The following AGBL1 variants were observed in gnomAD, a reference collection of about 807,000 sequenced individuals.
AGBL1 encodes AGBL carboxypeptidase 1.
AGBL1 carries 130 observed loss-of-function variants against 118.9 expected under a neutral mutation model. That is an observed-to-expected ratio of 1.09 (90% CI 0.95 to 1.26). The LOEUF (loss-of-function observed/expected upper bound fraction) is 1.26. Among genes scored for constraint, AGBL1 ranks in the 50% most tolerant of loss-of-function variants. AGBL1 has a pLI of 0.00. For missense variants in AGBL1, 1,584 were observed against 1,298.1 expected (o/e 1.22, Z -3.38); for synonymous variants, 555 against 478.9 (o/e 1.16, Z -2.08).
At chr15:86,963,270 G>A (rs1341460378) in intron 23 of AGBL1, among the ~76,000 whole-genome samples, 1 of 152,026 alleles carries the variant, frequency 6.6e-6, no homozygotes, top group African/African-American at 2.4e-5. Flanking sequence ...ATGTGCCACG[G>A]CTACATTGAC....
At chr15:86,210,272 C>T (rs991742084) in intron 5 of AGBL1, among the ~76,000 whole-genome samples, 2 of 152,072 alleles carry the variant, frequency 1.3e-5, no homozygotes, top group South Asian at 2.1e-4. Context: ...TTAACCTTGG[C>T]GAACCTGACA....
intron 20 of AGBL1, among the ~76,000 whole-genome samples, chr15:86,547,740 A>G (rs903910888): frequency 6.6e-6 from 1 of 152,148 alleles, no homozygotes; most frequent in African/African-American, 2.4e-5. Context: ...AGGTTCTTTA[A>G]CTGTGAGTGG....
At chr15:86,633,786 A>G (rs951292856) in intron 21 of AGBL1, among the ~76,000 whole-genome samples, 4 of 102,020 alleles carry the variant, frequency 3.9e-5, no homozygotes, top group Middle Eastern at 4.3e-3. Flanking sequence ...ATGTGTGTGT[A>G]TATATATATA....
chr15:86,286,542 A>G (rs957960509), intron 16 of AGBL1, among the ~76,000 whole-genome samples: 7 of 151,562 alleles, frequency 4.6e-5, no homozygotes, highest in African/African-American at 1.7e-4. Context: ...TTTATATTTC[A>G]TGTATAAGTG....
intron 21 of AGBL1, among the ~76,000 whole-genome samples, chr15:86,567,882 C>T (rs545122768): frequency 4.6e-5 from 7 of 152,188 alleles, no homozygotes; most frequent in South Asian, 4.2e-4. Context: ...CATTCAGAGC[C>T]CAGCTGCCCA....
chr15:86,468,240 A>G (rs985228187), intron 18 of AGBL1, among the ~76,000 whole-genome samples: 1 of 152,168 alleles, frequency 6.6e-6, no homozygotes, highest in African/African-American at 2.4e-5. Context: ...AAGTCCTTAG[A>G]TACCTTTTTT....
intron 21 of AGBL1, among the ~76,000 whole-genome samples, chr15:86,645,750 G>C (rs1251511160): frequency 6.6e-6 from 1 of 152,198 alleles, no homozygotes; most frequent in Non-Finnish European, 1.5e-5. Flanking sequence ...CAAGTTCACA[G>C]AATGAGTTAG....
intron 23 of AGBL1, among the ~76,000 whole-genome samples, chr15:86,923,601 C>T (rs1034348391): frequency 2.0e-5 from 3 of 152,162 alleles, no homozygotes; most frequent in African/African-American, 7.2e-5. Flanking sequence ...GGCTATTTGG[C>T]TGTTTATCTC....
chr15:86,560,761 G>A (rs1326318781), intron 21 of AGBL1, among the ~76,000 whole-genome samples: 1 of 152,192 alleles, frequency 6.6e-6, no homozygotes, highest in Non-Finnish European at 1.5e-5. Flanking sequence ...CACCAACAGT[G>A]TAAAACAGTT....
At chr15:86,700,169 T>A (rs1216755662) in intron 22 of AGBL1, among the ~76,000 whole-genome samples, 1 of 152,072 alleles carries the variant, frequency 6.6e-6, no homozygotes, top group African/African-American at 2.4e-5. Context: ...CAAGGATTAC[T>A]TTTTTCTTCA....
chr15:86,536,737 G>A (rs2083432101), intron 19 of AGBL1, among the ~76,000 whole-genome samples: 1 of 152,096 alleles, frequency 6.6e-6, no homozygotes, highest in Non-Finnish European at 1.5e-5. Context: ...AAAATAGGAG[G>A]GTAACCGCTT....
intron 11 of AGBL1, 75 bp downstream of exon 11, chr15:86,264,913 A>G (rs2142036399): frequency 1.5e-6 from 2 of 1,303,344 alleles, no homozygotes; most frequent in Non-Finnish European, 2.1e-6. Context: ...GTTTGTACAG[A>G]TAATTCTACT....
intron 1 of AGBL1, among the ~76,000 whole-genome samples, chr15:86,129,084 G>C (rs1250924132): frequency 6.6e-6 from 1 of 152,024 alleles, no homozygotes; most frequent in African/African-American, 2.4e-5. Context: ...CAATATAACA[G>C]AACCAAATAC....
Position 86,154,295 on chromosome 15 carries a change from G to T in AGBL1, c.263-135G>T, listed in dbSNP as rs369567153. The T allele has an allele frequency of 4.2e-6, 4 of 944,420 alleles. No homozygotes were observed. In the African/African-American group the frequency reaches 6.7e-5, roughly 16 times the overall value. The allele number at this position is 944,420 out of a possible 1,614,324, so 58.5% of individuals were successfully genotyped here. A position where few individuals can be genotyped will look rare whatever the true frequency, so the allele number is the denominator to read the frequency against. ...AGTGGGGACATATTTAGCAGCATTT[G>T]TCACTAGGTCTGAAAAATGTCTTTG... On this transcript the variant is annotated intron_variant, in intron 3 of 22. Coordinates refer to ENST00000614907, the MANE Select transcript of AGBL1 (RefSeq NM_001386094.1).
intron 22 of AGBL1, among the ~76,000 whole-genome samples, chr15:86,863,265 C>T (rs573476487): frequency 3.6e-4 from 55 of 152,322 alleles, no homozygotes; most frequent in Non-Finnish European, 6.3e-4. Context: ...ATTTCAGATG[C>T]TTCTCTATTT....
chr15:86,380,707 G>A (rs112729036), intron 17 of AGBL1, among the ~76,000 whole-genome samples: 3,200 of 152,210 alleles, frequency 0.021, 43 homozygotes, highest in Middle Eastern at 0.065. Flanking sequence ...CATTTACAAG[G>A]CCATTTATGC....
intron 17 of AGBL1, among the ~76,000 whole-genome samples, chr15:86,383,547 A>G (rs1161397175): frequency 6.6e-6 from 1 of 152,166 alleles, no homozygotes; most frequent in African/African-American, 2.4e-5. Context: ...GGATTGCACC[A>G]CGGTATGCCA....
At chr15:86,360,105 C>T (rs1045328534) in intron 17 of AGBL1, among the ~76,000 whole-genome samples, 5 of 151,954 alleles carry the variant, frequency 3.3e-5, no homozygotes, top group African/African-American at 1.2e-4. Flanking sequence ...AGTGGACATC[C>T]TTGCCTTGTA....
At position 86,904,393 on chromosome 15, in the gene AGBL1, G is replaced by A. The variant is rs531970927; in HGVS notation, c.3159-2694G>A. ...TAATATTGAAGGAAATTAGGAAGAG[G>A]AAAAAGTAAAAATACTTCTCCATCT... On this transcript the variant is annotated intron_variant, in intron 22 of 22. Coordinates refer to ENST00000614907, the MANE Select transcript of AGBL1 (RefSeq NM_001386094.1). Among the ~76,000 whole-genome samples the A allele has an allele frequency of 5.3e-5, 8 of 150,616 alleles. No homozygotes were observed. In the East Asian group the frequency reaches 1.6e-3, roughly 29 times the overall value.
Sources: allele counts gnomAD v4.1 joint callset (sites outside exome capture counted in the v4.1 genomes callset), GRCh38; gene constraint gnomAD v4.1.1; transcripts MANE v1.5; gene names NCBI Gene and HGNC (gene_info 2026-07-23, HGNC 2026-07-21).